Variants in GPC5 observed in about 807,000 individuals in gnomAD.
The protein encoded by GPC5 is glypican 5.
In GPC5, 47 loss-of-function variants were observed where a neutral mutation model predicts 53.9. That is an observed-to-expected ratio of 0.87 (90% CI 0.69 to 1.11). The LOEUF is 1.11. GPC5 is among the 50% of genes most tolerant of loss of function. The pLI, the probability that GPC5 is intolerant of heterozygous loss-of-function variation, is 0.00. For synonymous variants in GPC5, 286 were observed against 263.3 expected (o/e 1.09, Z -0.84); for missense variants, 748 against 713.1 (o/e 1.05, Z -0.56).
At chr13:92,232,987 G>A (rs1432025819) in intron 7 of GPC5, among the ~76,000 whole-genome samples, 1 of 152,090 alleles carries the variant, frequency 6.6e-6, no homozygotes, top group Non-Finnish European at 1.5e-5. Context: ...GAACAAAATC[G>A]AGCATTTCTA....
intron 2 of GPC5, among the ~76,000 whole-genome samples, chr13:91,533,582 A>T (rs901883348): frequency 6.6e-6 from 1 of 152,206 alleles, no homozygotes; most frequent in Non-Finnish European, 1.5e-5. Flanking sequence ...GCTACACAAG[A>T]TAGATAATGA....
chr13:92,033,396 C>T (rs1343558524), intron 6 of GPC5, among the ~76,000 whole-genome samples: 2 of 152,144 alleles, frequency 1.3e-5, no homozygotes, highest in Non-Finnish European at 2.9e-5. Context: ...CTTACCTGAT[C>T]TGTCACAAAG....
chr13:92,759,046 G>T (rs1875043992), intron 7 of GPC5, among the ~76,000 whole-genome samples: 1 of 95,084 alleles, frequency 1.1e-5, no homozygotes, highest in Admixed American at 1.6e-4. Context: ...AATATTAGTT[G>T]ACCATGTATG....
rs111272227 is a variant in GPC5 at position 91,797,093 on chromosome 13, TA to T, written c.1280+40682del. ...ACAGAGTCACATAAATTATCTCACT[TA>T]AAAAAAAATGTCATTTTGATAGTTG... On this transcript the variant is annotated intron_variant, in intron 5 of 7. Coordinates refer to ENST00000377067, the MANE Select transcript of GPC5 (RefSeq NM_004466.6). 1.0e-2 allele frequency among the ~76,000 whole-genome samples: 1,506 copies of T among 151,208 alleles called. 19 individuals carry two copies. Among genetic ancestry groups the T allele is most frequent in the African/African-American group, 0.034 (1,384 of 41,280 alleles).
intron 5 of GPC5, among the ~76,000 whole-genome samples, chr13:91,852,454 T>G (rs533522871): frequency 1.5e-4 from 23 of 152,126 alleles, no homozygotes; most frequent in African/African-American, 5.5e-4. Context: ...AGGTGTCACT[T>G]TTTTAGAAAT....
chr13:92,122,902 T>C (rs2041662601), intron 6 of GPC5, among the ~76,000 whole-genome samples: 1 of 152,150 alleles, frequency 6.6e-6, no homozygotes, highest in Non-Finnish European at 1.5e-5. Context: ...ATTTAAAGCA[T>C]GCAAATCATT....
chr13:92,247,865 C>T (rs145461658), intron 7 of GPC5, among the ~76,000 whole-genome samples: 53 of 152,172 alleles, frequency 3.5e-4, no homozygotes, highest in African/African-American at 1.2e-3. Context: ...AGCATTGATC[C>T]ATATTATGTG....
intron 7 of GPC5, among the ~76,000 whole-genome samples, chr13:92,623,425 A>G (rs930586748): frequency 8.5e-5 from 13 of 152,242 alleles, no homozygotes; most frequent in African/African-American, 2.9e-4. Flanking sequence ...CTCTCGCCCT[A>G]CAGTATCACC....
chr13:92,743,195 T>G (rs1039716484), intron 7 of GPC5, among the ~76,000 whole-genome samples: 1 of 152,166 alleles, frequency 6.6e-6, no homozygotes, highest in Non-Finnish European at 1.5e-5. Flanking sequence ...ATTTTCACGA[T>G]ATTGATTCTT....
intron 1 of GPC5, among the ~76,000 whole-genome samples, chr13:91,426,283 G>T (rs1475383658): frequency 1.3e-5 from 2 of 151,966 alleles, no homozygotes; most frequent in African/African-American, 2.4e-5. Context: ...GAGTCCTACA[G>T]GGGAAAATTG....
chr13:91,405,068 C>T (rs1349473152), intron 1 of GPC5, among the ~76,000 whole-genome samples: 4 of 152,166 alleles, frequency 2.6e-5, no homozygotes, highest in African/African-American at 7.2e-5. Flanking sequence ...TCACCTTTGT[C>T]GTTAGAACTG....
At chr13:91,720,920 A>G (rs2036449506) in intron 3 of GPC5, among the ~76,000 whole-genome samples, 1 of 152,196 alleles carries the variant, frequency 6.6e-6, no homozygotes, top group Non-Finnish European at 1.5e-5. Context: ...AGATAGATCC[A>G]GATAGATAGA....
chr13:92,059,973 A>T (rs9560910), intron 6 of GPC5: 4 of 137,862 alleles, frequency 2.9e-5, no homozygotes, highest in Non-Finnish European at 3.3e-5. Context: ...TTTAAAAAAT[A>T]AAAAAAAAAC....
intron 7 of GPC5, among the ~76,000 whole-genome samples, chr13:92,666,786 G>A (rs1156581985): frequency 1.3e-5 from 2 of 152,186 alleles, no homozygotes; most frequent in East Asian, 1.9e-4. Flanking sequence ...TAAATTTCCA[G>A]TACTGCACAT....
intron 2 of GPC5, among the ~76,000 whole-genome samples, chr13:91,637,398 T>C (rs1044649077): frequency 5.3e-5 from 8 of 152,190 alleles, no homozygotes; most frequent in African/African-American, 1.9e-4. Context: ...ATGGGTGACC[T>C]TAAAAATGTT....
intron 6 of GPC5, among the ~76,000 whole-genome samples, chr13:91,964,291 C>G (rs1421708610): frequency 6.6e-6 from 1 of 152,082 alleles, no homozygotes. Context: ...GGAAAGAGAC[C>G]CCAGCAGGTT....
chr13:91,556,546 T>TGA (rs1160204206), intron 2 of GPC5, among the ~76,000 whole-genome samples: 3 of 150,496 alleles, frequency 2.0e-5, no homozygotes, highest in Non-Finnish European at 3.0e-5. Flanking sequence ...ATAAAATGTG[T>TGA]GTGTGTGTGT....
intron 6 of GPC5, among the ~76,000 whole-genome samples, chr13:91,936,059 T>G (rs560286394): frequency 1.3e-5 from 2 of 152,154 alleles, no homozygotes; most frequent in East Asian, 3.9e-4. Flanking sequence ...ACTCTGTATA[T>G]CAACAGATTT....
In GPC5 at chr13:92,668,778, G is replaced by A. The variant is rs560139737; in HGVS notation, c.1562-197504G>A. On this transcript the variant is annotated intron_variant, in intron 7 of 7. Transcript: ENST00000377067. ...TATTTTTTACATTTTAAATAATAAT[G>A]ATTACATAAACTTTATCCAAAAATT... 1.0e-3 allele frequency among the ~76,000 whole-genome samples: 152 copies of A among 152,070 alleles called. 1 individual carries two copies. The highest frequency in any genetic ancestry group is 3.4e-3 in the African/African-American group (140 of 41,520).
Sources: gnomAD v4.1 joint callset for allele counts (sites outside exome capture counted in the v4.1 genomes callset) on GRCh38, gnomAD v4.1.1 for gene constraint, MANE v1.5 for transcripts, NCBI Gene and HGNC (gene_info 2026-07-23, HGNC 2026-07-21) for gene names.